Variants in CLEC17A observed in about 807,000 individuals in gnomAD.
CLEC17A encodes C-type lectin domain family 17, member A.
In CLEC17A, 37 loss-of-function variants were observed where a neutral mutation model predicts 61.3. The observed-to-expected ratio is 0.60, with a 90% CI of 0.46 to 0.79. The LOEUF is 0.79. Ranked by LOEUF, CLEC17A falls within the 30% of genes least tolerant of loss-of-function variation. CLEC17A has a pLI of 0.00. For synonymous variants in CLEC17A, 168 were observed against 164.9 expected (o/e 1.02, Z -0.14); for missense variants, 418 against 464.7 (o/e 0.90, Z 0.92).
chr19:14,598,304 T>TTCTTTCTC (rs1555746763), intron 10 of CLEC17A, among the ~76,000 whole-genome samples: 20 of 149,218 alleles, frequency 1.3e-4, no homozygotes, highest in African/African-American at 4.7e-4. Context: ...TGTTCTTTCT[T>TTCTTTCTC]TCTCTCTCTC....
chr19:14,582,534 C>G (rs2074194912), upstream of CLEC17A, among the ~76,000 whole-genome samples: 1 of 151,992 alleles, frequency 6.6e-6, no homozygotes, highest in Non-Finnish European at 1.5e-5. Context: ...TAAGGCCCAC[C>G]TAGGTAATCC....
rs746361581 is a variant in CLEC17A at position 14,595,271 on chromosome 19, C to T, written c.404-3C>T. The T allele has an allele frequency of 5.0e-6, 8 of 1,613,836 alleles. No homozygotes were observed. In the South Asian group the frequency reaches 6.6e-5, roughly 13 times the overall value. On this transcript the variant is annotated splice_region_variant and splice_polypyrimidine_tract_variant and intron_variant, in intron 7 of 13. Coordinates refer to ENST00000417570, the MANE Select transcript of CLEC17A (RefSeq NM_001204118.2). Reference sequence around the variant, plus strand: ...AATAAACCTCTCTCCCCCTTTCTCCCAGCTGTGAATCTTGAGCCTTCTCCA... The same window carrying T: ...AATAAACCTCTCTCCCCCTTTCTCCTAGCTGTGAATCTTGAGCCTTCTCCA...
chr19:14,592,271 C>T lies in CLEC17A; in HGVS notation c.200-10C>T. ...AATGGCTGGGCTCTGACTTGCCTTT[C>T]CCCTGGAAGGGACCATGGAGGAGGA... On this transcript the variant is annotated splice_polypyrimidine_tract_variant and intron_variant, in intron 3 of 13. Transcript: ENST00000417570. 6.3e-7 allele frequency: 1 copy of T among 1,585,208 alleles called. No individual in the cohort carries two copies. The highest frequency in any genetic ancestry group is 2.3e-5 in the East Asian group (1 of 43,522).
intron 4 of CLEC17A, 169 bp from the exon 5 acceptor site, chr19:14,594,348 C>T: frequency 1.4e-6 from 1 of 736,234 alleles, no homozygotes. Context: ...TCGTTGGTCA[C>T]CCTACTTAAT....
At chr19:14,599,843 T>TG (rs746174863) in intron 11 of CLEC17A, 31 bp downstream of exon 11, 30 of 1,581,320 alleles carry the variant, frequency 1.9e-5, no homozygotes, top group Non-Finnish European at 2.5e-5. Context: ...TGCCCAGGGA[T>TG]GGGGGGCATG....
intron 8 of CLEC17A, among the ~76,000 whole-genome samples, chr19:14,596,254 C>G (rs1205426230): frequency 2.0e-5 from 3 of 151,998 alleles, no homozygotes; most frequent in African/African-American, 7.3e-5. Context: ...CATGCCTAAC[C>G]TCACCAAGCC....
intron 12 of CLEC17A, among the ~76,000 whole-genome samples, chr19:14,605,959 C>T (rs1399694751): frequency 1.3e-5 from 2 of 152,012 alleles, no homozygotes; most frequent in Non-Finnish European, 1.5e-5. Context: ...AGACTAATCT[C>T]GAACTCCTAG....
Position 14,583,316 on chromosome 19 carries a change from G to A in CLEC17A, c.44-41G>A, listed in dbSNP as rs370572587. The A allele has an allele frequency of 1.3e-4, 216 of 1,608,428 alleles. No homozygotes were observed. The Middle Eastern group carries it at 2.2e-3, about 16-fold the overall frequency. On this transcript the variant is annotated intron_variant, in intron 1 of 13. Coordinates refer to ENST00000417570, the MANE Select transcript of CLEC17A (RefSeq NM_001204118.2). ...GACCAGGGCTTGAGGGATGGAGGGA[G>A]GAGGGAATGGCTGGGCTCTGACTTG...
chr19:14,586,839 G>A (rs1230216335), intron 2 of CLEC17A, among the ~76,000 whole-genome samples: 1 of 151,998 alleles, frequency 6.6e-6, no homozygotes, highest in African/African-American at 2.4e-5. Context: ...TCAACTGGGA[G>A]CGGGGAGGTG....
chr19:14,595,934 A>ACATGATGGTGG (rs2074535753), intron 8 of CLEC17A, among the ~76,000 whole-genome samples: 1 of 416 alleles, frequency 2.4e-3, no homozygotes, highest in Non-Finnish European at 4.6e-3. Flanking sequence ...GGTGTTGGTG[A>ACATGATGGTGG]TGATAGTAGA....
intron 13 of CLEC17A, among the ~76,000 whole-genome samples, chr19:14,609,413 C>T (rs1407539909): frequency 6.6e-6 from 1 of 152,194 alleles, no homozygotes; most frequent in Non-Finnish European, 1.5e-5. Context: ...ATCCTACACA[C>T]TCGAGTCCCT....
chr19:14,611,523 G>A lies in CLEC17A; in HGVS notation c.*1327G>A, dbSNP rs552484820. On this transcript the variant is annotated 3_prime_UTR_variant, in exon 14 of 14. Transcript: ENST00000417570. ...CTCCCAAGTAGCTGGGACTACAGGCGTTCACCCTCACACCTGGCTGGCCCA... is the reference window on the plus strand; with the variant it reads ...CTCCCAAGTAGCTGGGACTACAGGCATTCACCCTCACACCTGGCTGGCCCA... 3.3e-5 allele frequency among the ~76,000 whole-genome samples: 5 copies of A among 151,682 alleles called. No individual in the cohort carries two copies. Among genetic ancestry groups the A allele is most frequent in the East Asian group, 1.9e-4 (1 of 5,150 alleles).
Position 14,592,315 on chromosome 19 carries a change from T to C in CLEC17A, c.234T>C (p.Tyr78=). 3 of 1,603,970 alleles carry C rather than the reference T, an allele frequency of 1.9e-6. No homozygotes were observed. The highest frequency in any genetic ancestry group is 1.1e-5 in the South Asian group (1 of 89,644). Reference sequence around the variant, plus strand: ...AGGAGGAGGAGGAGGATGATGACTATGAGAACTCAACACCTCCCTACAAGG... The same window carrying C: ...AGGAGGAGGAGGAGGATGATGACTACGAGAACTCAACACCTCCCTACAAGG... The part of the protein sequence containing the change: ...TMEEEEEDDD[Y]ENSTPPYKDL... Residue 78 remains tyrosine (Y), a synonymous_variant, in exon 4 of 14, where the codon TAT becomes TAC. Transcript: ENST00000417570.
rs758972297 is a variant in CLEC17A at position 14,600,221 on chromosome 19, A to G, written c.894+39A>G. 3.7e-6 allele frequency: 6 copies of G among 1,605,890 alleles called. No individual in the cohort carries two copies. In the Middle Eastern group the frequency reaches 5.0e-4, roughly 133 times the overall value. ...ACTGAACCTTTGAGAACCTTCAGGG[A>G]CAGCCTGCTTCTCTTCCAGGATGCA... On this transcript the variant is annotated intron_variant, in intron 12 of 13. Coordinates refer to ENST00000417570, the MANE Select transcript of CLEC17A (RefSeq NM_001204118.2).
intron 3 of CLEC17A, among the ~76,000 whole-genome samples, chr19:14,590,638 C>T (rs1356074745): frequency 6.6e-6 from 1 of 152,076 alleles, no homozygotes; most frequent in East Asian, 1.9e-4. Context: ...CTGCCTGCCT[C>T]AGCCTCCCAA....
chr19:14,594,113 TC>T (rs1287586240), intron 4 of CLEC17A, among the ~76,000 whole-genome samples: 1 of 151,834 alleles, frequency 6.6e-6, no homozygotes, highest in African/African-American at 2.4e-5. Flanking sequence ...TGGAATCCTG[TC>T]TCTACTAAAA....
At chr19:14,608,628 ATTTTTT>A (rs71166765) in intron 13 of CLEC17A, among the ~76,000 whole-genome samples, 106 of 119,726 alleles carry the variant, frequency 8.9e-4, no homozygotes, top group Middle Eastern at 4.5e-3. Flanking sequence ...ATGAGGAAGA[ATTTTTT>A]TTTTTTTTTT....
intron 4 of CLEC17A, 37 bp from the exon 5 acceptor site, chr19:14,594,480 C>A: frequency 1.3e-6 from 2 of 1,555,788 alleles, no homozygotes; most frequent in Non-Finnish European, 8.7e-7. Flanking sequence ...CATTCCCATC[C>A]TCAGCCCAGC....
chr19:14,599,848 G>C (rs758129793), intron 11 of CLEC17A, 36 bp downstream of exon 11: 13 of 1,574,042 alleles, frequency 8.3e-6, no homozygotes, highest in Non-Finnish European at 1.1e-5. Flanking sequence ...AGGGATGGGG[G>C]GCATGGCAGA....
Sources: gnomAD v4.1 joint callset for allele counts (sites outside exome capture counted in the v4.1 genomes callset) on GRCh38, gnomAD v4.1.1 for gene constraint, MANE v1.5 for transcripts, NCBI Gene and HGNC (gene_info 2026-07-23, HGNC 2026-07-21) for gene names.